Variants in GRID2 observed in about 807,000 individuals in gnomAD.
GRID2 encodes glutamate ionotropic receptor delta type subunit 2.
GRID2 carries 33 observed loss-of-function variants against 114.8 expected under a neutral mutation model. The observed-to-expected ratio is 0.29, with a 90% CI of 0.22 to 0.38. The LOEUF (loss-of-function observed/expected upper bound fraction) is 0.38, where lower values mean the gene tolerates loss of function less well. Ranked by LOEUF, GRID2 falls within the 10% of genes least tolerant of loss-of-function variation. The probability of loss-of-function intolerance (pLI) is 1.00; values close to 1 mark genes in which losing one functional copy is unlikely to be tolerated. For synonymous variants in GRID2, 505 were observed against 449.9 expected, an observed-to-expected ratio of 1.12 and a Z score of -1.55; for missense variants, 1,184 against 1,257.7, an observed-to-expected ratio of 0.94 and a Z score of 0.89.
chr4:92,940,041 C>A (rs537558887), intron 2 of GRID2, among the ~76,000 whole-genome samples: 2 of 146,862 alleles, frequency 1.4e-5, no homozygotes, highest in African/African-American at 4.9e-5. Context: ...ATTGACTTGG[C>A]GATGCAGGCT....
At chr4:93,093,659 G>A (rs1431570852) in intron 3 of GRID2, among the ~76,000 whole-genome samples, 2 of 151,864 alleles carry the variant, frequency 1.3e-5, no homozygotes, top group Admixed American at 1.3e-4. Flanking sequence ...CCACCAAATA[G>A]TTGAATCTGA....
At chr4:93,147,831 T>C (rs1424274223) in intron 4 of GRID2, among the ~76,000 whole-genome samples, 4 of 152,256 alleles carry the variant, frequency 2.6e-5, no homozygotes, top group Non-Finnish European at 4.4e-5. Flanking sequence ...AAGGTATTTA[T>C]ATTTTGCCTT....
At chr4:92,947,416 A>G (rs1271760776) in intron 2 of GRID2, among the ~76,000 whole-genome samples, 3 of 152,014 alleles carry the variant, frequency 2.0e-5, no homozygotes, top group Non-Finnish European at 4.4e-5. Context: ...ATTGGCTGAA[A>G]TACAATCAGA....
chr4:93,510,456 T>C (rs1729055679), intron 12 of GRID2, among the ~76,000 whole-genome samples: 1 of 152,192 alleles, frequency 6.6e-6, no homozygotes, highest in African/African-American at 2.4e-5. Flanking sequence ...GGTTACGCAT[T>C]AGATTTTTTA....
chr4:93,190,437 G>A (rs1740871642), intron 4 of GRID2, among the ~76,000 whole-genome samples: 2 of 152,068 alleles, frequency 1.3e-5, no homozygotes, highest in Admixed American at 6.6e-5. Flanking sequence ...TTGGCAGATT[G>A]GATAACCCTT....
intron 13 of GRID2, among the ~76,000 whole-genome samples, chr4:93,623,719 G>T (rs1211702594): frequency 1.3e-5 from 2 of 151,930 alleles, no homozygotes; most frequent in Non-Finnish European, 2.9e-5. Flanking sequence ...CTGTTCCACT[G>T]ATTTTCTATT....
At chr4:92,608,971 A>G (rs1162707341) in intron 2 of GRID2, among the ~76,000 whole-genome samples, 2 of 151,824 alleles carry the variant, frequency 1.3e-5, no homozygotes, top group African/African-American at 2.4e-5. Context: ...TCTGGCTTCA[A>G]AAATTTGTTG....
chr4:93,580,010 TG>T (rs1736805128), intron 13 of GRID2, among the ~76,000 whole-genome samples: 3 of 152,236 alleles, frequency 2.0e-5, no homozygotes, highest in Non-Finnish European at 4.4e-5. Context: ...TTTTGAAGAA[TG>T]GACTGAGTTT....
At chr4:93,175,856 A>T (rs1398492833) in intron 4 of GRID2, among the ~76,000 whole-genome samples, 1 of 152,146 alleles carries the variant, frequency 6.6e-6, no homozygotes, top group African/African-American at 2.4e-5. Context: ...AAGCTGTCCC[A>T]GTTTTCCCCT....
At chr4:92,430,742 T>G (rs150559355) in intron 1 of GRID2, among the ~76,000 whole-genome samples, 1 of 152,106 alleles carries the variant, frequency 6.6e-6, no homozygotes, top group African/African-American at 2.4e-5. Flanking sequence ...CCATGAACAT[T>G]GAATATCTCC....
chr4:92,593,251 C>T (rs1432417308), intron 2 of GRID2, among the ~76,000 whole-genome samples: 1 of 151,964 alleles, frequency 6.6e-6, no homozygotes, highest in Non-Finnish European at 1.5e-5. Flanking sequence ...TAATAGGGAT[C>T]ACTCAGAGGT....
At chr4:93,801,334 T>A (rs1021532802) in intron 1 of GRID2, among the ~76,000 whole-genome samples, 3 of 152,078 alleles carry the variant, frequency 2.0e-5, no homozygotes, top group Non-Finnish European at 2.9e-5. Flanking sequence ...ATTTGAAAGT[T>A]TTAAGGTGAA....
At chr4:92,597,290 CT>C (rs1207748487) in intron 2 of GRID2, among the ~76,000 whole-genome samples, 1 of 151,920 alleles carries the variant, frequency 6.6e-6, no homozygotes, top group Non-Finnish European at 1.5e-5. Context: ...ATAGTCTAAT[CT>C]TTTTTCCTGT....
chr4:93,251,309 C>T (rs546671810), intron 8 of GRID2, among the ~76,000 whole-genome samples: 1 of 152,216 alleles, frequency 6.6e-6, no homozygotes, highest in Admixed American at 6.5e-5. Context: ...CACTAGCACT[C>T]TGATTATTTC....
At chr4:93,253,258 AAAAC>A (rs1023382329) in intron 8 of GRID2, among the ~76,000 whole-genome samples, 5 of 152,092 alleles carry the variant, frequency 3.3e-5, no homozygotes, top group African/African-American at 1.2e-4. Flanking sequence ...TCTGTCTAAA[AAAAC>A]AAAACAAAAC....
intron 2 of GRID2, among the ~76,000 whole-genome samples, chr4:93,013,563 A>G (rs564782722): frequency 2.0e-5 from 3 of 151,986 alleles, no homozygotes; most frequent in Non-Finnish European, 4.4e-5. Flanking sequence ...GGGGTTATGT[A>G]TTAAATACTA....
At chr4:93,672,876 G>A (rs1359721115) in intron 14 of GRID2, among the ~76,000 whole-genome samples, 1 of 152,112 alleles carries the variant, frequency 6.6e-6, no homozygotes, top group African/African-American at 2.4e-5. Flanking sequence ...GGTATCCAAA[G>A]ATAAGCCCTT....
chr4:93,072,268 G>A (rs1456384501), intron 2 of GRID2, among the ~76,000 whole-genome samples: 1 of 151,974 alleles, frequency 6.6e-6, no homozygotes, highest in East Asian at 1.9e-4. Context: ...TTCAAAGAGA[G>A]ACAGAACACA....
intron 2 of GRID2, among the ~76,000 whole-genome samples, chr4:92,990,951 A>T (rs997189128): frequency 6.6e-6 from 1 of 152,330 alleles, no homozygotes; most frequent in Non-Finnish European, 1.5e-5. Flanking sequence ...ATACTATAAC[A>T]AAATTACTAT....
Sources: gnomAD v4.1 joint callset for allele counts (sites outside exome capture counted in the v4.1 genomes callset) on GRCh38, gnomAD v4.1.1 for gene constraint, MANE v1.5 for transcripts, NCBI Gene and HGNC (gene_info 2026-07-23, HGNC 2026-07-21) for gene names.